The following MYO9B variants were observed in gnomAD, a reference collection of about 807,000 sequenced individuals.
The protein encoded by MYO9B is unconventional myosin-IXb.
In MYO9B, 71 loss-of-function variants were observed where a neutral mutation model predicts 229.5. The observed-to-expected ratio is 0.31, with a 90% CI of 0.26 to 0.38. MYO9B has a LOEUF of 0.38. Among genes scored for constraint, MYO9B ranks in the 10% least tolerant of loss-of-function variants. The pLI, the probability that MYO9B is intolerant of heterozygous loss-of-function variation, is 1.00. For synonymous variants in MYO9B, 1,185 were observed against 1,235.8 expected, an observed-to-expected ratio of 0.96 and a Z score of 0.86; for missense variants, 2,255 against 2,920.5, an observed-to-expected ratio of 0.77 and a Z score of 5.25.
At chr19:17,162,891 C>A (rs936516688) in intron 9 of MYO9B, 97 bp from the exon 10 acceptor site, 2 of 1,358,550 alleles carry the variant, frequency 1.5e-6, no homozygotes, top group African/African-American at 2.9e-5. Flanking sequence ...GACTGGGGAC[C>A]TAACAGGTCA....
At position 17,154,018 on chromosome 19, in the gene MYO9B, C is replaced by T; in HGVS notation, c.1050C>T (p.Arg350=). The part of the protein sequence containing the change: ...YLLLGVSEEE[R]QEFQLKQPED... ...TACTTGGGGTCAGCGAGGAAGAGCG[C>T]CAAGAATTTCAGCTCAAGCAGCCTG... Residue 350 remains arginine (R), a synonymous_variant, in exon 5 of 40, where the codon CGC becomes CGT. Transcript: ENST00000682292. The T allele has an allele frequency of 6.2e-7, 1 of 1,613,554 alleles. No individual in the cohort carries two copies. Among genetic ancestry groups the T allele is most frequent in the Non-Finnish European group, 8.5e-7 (1 of 1,179,808 alleles).
chr19:17,153,892 G>T (rs532243036), intron 4 of MYO9B, 75 bp from the exon 5 acceptor site: 6 of 1,059,068 alleles, frequency 5.7e-6, no homozygotes, highest in Middle Eastern at 4.0e-4. Context: ...CCAAAGCCAT[G>T]TTAGTAGTGG....
intron 19 of MYO9B, 43 bp from the exon 20 acceptor site, chr19:17,191,054 G>A (rs962919): frequency 0.44 from 703,487 of 1,589,126 alleles, 166,038 homozygotes; most frequent in African/African-American, 0.74. Flanking sequence ...TCGCTGGCCA[G>A]AACACTCACC....
intron 14 of MYO9B, among the ~76,000 whole-genome samples, chr19:17,179,461 C>G (rs1327884736): frequency 1.0e-4 from 13 of 125,104 alleles, no homozygotes; most frequent in African/African-American, 3.9e-4. Flanking sequence ...GAGTCTCACT[C>G]TGTTGCCCAG....
chr19:17,180,341 ATT>A lies in MYO9B; in HGVS notation c.2220-562_2220-561del, dbSNP rs776734202. ...AAAGTGGAATGACCAGATGGAAATAATTTTTTTTTTTTTTTTTTTTTTTTTGA... is the reference window on the plus strand; with the variant it reads ...AAAGTGGAATGACCAGATGGAAATAATTTTTTTTTTTTTTTTTTTTTTTGA... On this transcript the variant is annotated intron_variant, in intron 14 of 39. Transcript: ENST00000682292. 1.0e-3 allele frequency among the ~76,000 whole-genome samples: 90 copies of A among 88,000 alleles called. 16 individuals are homozygous for A. The highest frequency in any genetic ancestry group is 5.8e-3 in the East Asian group (18 of 3,086). The allele number at this position is 88,000 out of a possible 152,430, so 57.7% of individuals were successfully genotyped here. A position where few individuals can be genotyped will look rare whatever the true frequency, so the allele number is the denominator to read the frequency against.
At chr19:17,080,213 C>T (rs915812974) in intron 1 of MYO9B, among the ~76,000 whole-genome samples, 2 of 152,178 alleles carry the variant, frequency 1.3e-5, no homozygotes, top group Non-Finnish European at 2.9e-5. Context: ...GAAGGAGCCC[C>T]GCTAGGGGTG....
chr19:17,207,371 C>A, intron 35 of MYO9B, 127 bp downstream of exon 35: 1 of 1,300,206 alleles, frequency 7.7e-7, no homozygotes, highest in Non-Finnish European at 1.0e-6. Flanking sequence ...GCGGTTCACA[C>A]CTGTAATCCT....
At position 17,181,012 on chromosome 19, in the gene MYO9B, C is replaced by T. The variant is rs749152374; in HGVS notation, c.2305C>T (p.Arg769Trp). 13 of 1,610,936 alleles carry T rather than the reference C, an allele frequency of 8.1e-6. No homozygotes were observed. The highest frequency in any genetic ancestry group is 5.3e-5 in the African/African-American group (4 of 74,858). ...CCGTAGCCTTCTCCAGTCCCTCAGT[C>T]GGCTCCAGAAACCCCGCGCCTTCAT... The part of the protein sequence containing the change: ...DPRSLLQSLS[R>W]LQKPRAFILK... The change falls in exon 15 of 40, where the codon CGG becomes TGG. Residue 769 changes from arginine to tryptophan, a missense_variant. Arg to Trp is a moderately radical substitution (Grantham distance 101). This residue lies in a region of MYO9B where 155 missense variants were observed against 159.1 expected (regional missense o/e 0.97). Coordinates refer to ENST00000682292, the MANE Select transcript of MYO9B (RefSeq NM_004145.4).
chr19:17,138,283 C>T (rs1470370299), intron 2 of MYO9B, among the ~76,000 whole-genome samples: 2 of 152,128 alleles, frequency 1.3e-5, no homozygotes, highest in African/African-American at 4.8e-5. Flanking sequence ...GCCACATTTT[C>T]TTAATCCAGT....
chr19:17,078,642 T>C lies in MYO9B; in HGVS notation c.-59+2768T>C, dbSNP rs544777602. Among the ~76,000 whole-genome samples, 62 of 152,244 alleles carry C rather than the reference T, an allele frequency of 4.1e-4. 3 individuals are homozygous for C. In the South Asian group the frequency reaches 0.013, roughly 32 times the overall value. ...TGGGGGGAGAATTAGGGACAACCAA[T>C]GCAAGCTTTAGGACAAGGGGGATTC... On this transcript the variant is annotated intron_variant, in intron 1 of 39. Transcript: ENST00000682292.
intron 14 of MYO9B, among the ~76,000 whole-genome samples, chr19:17,176,595 G>A (rs1167409822): frequency 6.6e-6 from 1 of 152,160 alleles, no homozygotes; most frequent in Non-Finnish European, 1.5e-5. Context: ...AGGCCGTGGT[G>A]CATCATGCGC....
chr19:17,183,789 G>T lies in MYO9B; in HGVS notation c.2334-40G>T, dbSNP rs372398954. On this transcript the variant is annotated intron_variant, in intron 15 of 39. Transcript: ENST00000682292. ...GAACTAACCCAAATCCCGACACTGTGTTCCTTTTGTTCACAAAACCATTTT... is the reference window on the plus strand; with the variant it reads ...GAACTAACCCAAATCCCGACACTGTTTTCCTTTTGTTCACAAAACCATTTT... 1.4e-3 allele frequency: 2,124 copies of T among 1,522,918 alleles called. 6 individuals are homozygous for T. The highest frequency in any genetic ancestry group is 3.6e-3 in the Middle Eastern group (21 of 5,870). 94.3% of individuals were successfully genotyped at this position (1,522,918 alleles called of 1,614,324 possible).
chr19:17,180,345 T>C lies in MYO9B; in HGVS notation c.2220-582T>C, dbSNP rs1472651503. Reference sequence around the variant, plus strand: ...TGGAATGACCAGATGGAAATAATTTTTTTTTTTTTTTTTTTTTTTTTGAGA... The same window carrying C: ...TGGAATGACCAGATGGAAATAATTTCTTTTTTTTTTTTTTTTTTTTTGAGA... On this transcript the variant is annotated intron_variant, in intron 14 of 39. Coordinates refer to ENST00000682292, the MANE Select transcript of MYO9B (RefSeq NM_004145.4). Among the ~76,000 whole-genome samples the C allele has an allele frequency of 7.9e-4, 92 of 116,902 alleles. 16 individuals carry two copies. Among genetic ancestry groups the C allele is most frequent in the East Asian group, 4.6e-3 (18 of 3,902 alleles). 76.7% of individuals were successfully genotyped at this position (116,902 alleles called of 152,430 possible). A position where few individuals can be genotyped will look rare whatever the true frequency, so the allele number is the denominator to read the frequency against.
Position 17,195,913 on chromosome 19 carries a change from C to T in MYO9B, c.4046+440C>T, listed in dbSNP as rs2073037341. 6.6e-6 allele frequency among the ~76,000 whole-genome samples: 1 copy of T among 151,960 alleles called. No individual in the cohort carries two copies. Among genetic ancestry groups the T allele is most frequent in the Non-Finnish European group, 1.5e-5 (1 of 67,980 alleles). Reference sequence around the variant, plus strand: ...CCAGCTCCCTCTTCCAGAGGGCCTGCAGGACCAAAGGAAAGAAATCAGGGA... The same window carrying T: ...CCAGCTCCCTCTTCCAGAGGGCCTGTAGGACCAAAGGAAAGAAATCAGGGA... On this transcript the variant is annotated intron_variant, in intron 22 of 39. Transcript: ENST00000682292. This position sits in a 1 kb window ranked among gnomAD's most constrained non-coding sequence, Gnocchi z 4.5.
At chr19:17,091,197 C>T (rs574969447) in intron 1 of MYO9B, among the ~76,000 whole-genome samples, 2 of 152,292 alleles carry the variant, frequency 1.3e-5, no homozygotes, top group South Asian at 2.1e-4. Flanking sequence ...AAAACAGTTG[C>T]TTCCATGTTT....
At chr19:17,157,987 G>A (rs1247284574) in intron 7 of MYO9B, among the ~76,000 whole-genome samples, 1 of 152,112 alleles carries the variant, frequency 6.6e-6, no homozygotes, top group Non-Finnish European at 1.5e-5. Context: ...CTGCCCCTAG[G>A]ACACACTGGG....
At chr19:17,126,752 C>T (rs923379447) in intron 2 of MYO9B, among the ~76,000 whole-genome samples, 1 of 150,890 alleles carries the variant, frequency 6.6e-6, no homozygotes, top group African/African-American at 2.4e-5. Flanking sequence ...GCAGCCTCCT[C>T]CTCCCGGGTT....
At chr19:17,162,880 G>C in intron 9 of MYO9B, 108 bp from the exon 10 acceptor site, 1 of 1,241,252 alleles carries the variant, frequency 8.1e-7, no homozygotes, top group Non-Finnish European at 1.1e-6. Flanking sequence ...CGAGCAACAG[G>C]GACTGGGGAC....
intron 2 of MYO9B, among the ~76,000 whole-genome samples, chr19:17,118,953 C>T (rs372759857): frequency 2.0e-5 from 3 of 152,268 alleles, no homozygotes; most frequent in East Asian, 3.9e-4. Flanking sequence ...CCTGAGGGGA[C>T]ATCTCCAGTC....
Sources: gnomAD v4.1 joint callset for allele counts (sites outside exome capture counted in the v4.1 genomes callset) on GRCh38, gnomAD v4.1.1 for gene constraint, gnomAD v4.1.1 regional missense constraint, Gnocchi (gnomAD v3.1) non-coding constraint, MANE v1.5 for transcripts, NCBI Gene and HGNC (gene_info 2026-07-23, HGNC 2026-07-21) for gene names.